Variants in CHRD observed in about 807,000 individuals in gnomAD.
CHRD encodes chordin.
CHRD carries 69 observed loss-of-function variants against 113.7 expected under a neutral mutation model. The observed-to-expected ratio is 0.61, with a 90% CI of 0.50 to 0.74. CHRD has a LOEUF of 0.74. Ranked by LOEUF, CHRD falls within the 30% of genes least tolerant of loss-of-function variation. The pLI, the probability that CHRD is intolerant of heterozygous loss-of-function variation, is 0.00. For missense variants in CHRD, 1,194 were observed against 1,295.8 expected (o/e 0.92, Z 1.21); for synonymous variants, 561 against 540.8 (o/e 1.04, Z -0.52).
chr3:184,381,619 A>G lies in CHRD; in HGVS notation c.506A>G (p.His169Arg). Residue 169 changes from histidine (H) to arginine (R), a missense_variant, in exon 4 of 23, where the codon CAC becomes CGC. Physicochemically the swap from His to Arg is conservative, Grantham distance 29. Transcript: ENST00000204604. This position sits in a 1 kb window ranked among gnomAD's most constrained non-coding sequence, Gnocchi z 4.7. ...GAGGAGCGGGCCCGTGGTGACGGCC[A>G]CACGGGTAGGGGGCTGGCGAACAGC... 1 of 1,606,386 alleles carries G rather than the reference A, an allele frequency of 6.2e-7. No individual in the cohort carries two copies.
chr3:184,383,738 C>T (rs2108648759), intron 12 of CHRD, 96 bp downstream of exon 12: 1 of 1,102,042 alleles, frequency 9.1e-7, no homozygotes, highest in Non-Finnish European at 1.3e-6. Flanking sequence ...CATCCACTCA[C>T]TCATGGGTTC....
Position 184,380,537 on chromosome 3 carries a change from G to T in CHRD, c.148+71G>T. ...GGCGAGTCAGCGCCAGCCCGGAGGG[G>T]GCGCGGGGCGCAGGTGGCTCGGCGC... On this transcript the variant is annotated intron_variant, in intron 1 of 22. Coordinates refer to ENST00000204604, the Ensembl canonical transcript of CHRD. The surrounding 1 kb of genome is among the most constrained non-coding windows in gnomAD (Gnocchi z 6.3). 9.4e-7 allele frequency: 1 copy of T among 1,067,908 alleles called. No homozygotes were observed. The highest frequency in any genetic ancestry group is 4.5e-5 in the South Asian group (1 of 22,292). The allele number at this position is 1,067,908 out of a possible 1,614,324, so 66.2% of individuals were successfully genotyped here.
At position 184,388,142 on chromosome 3, in the gene CHRD, C is replaced by G; in HGVS notation, c.2554+109C>G. The G allele has an allele frequency of 1.1e-6, 1 of 924,198 alleles. No homozygotes were observed. Among genetic ancestry groups the G allele is most frequent in the Non-Finnish European group, 1.7e-6 (1 of 581,816 alleles). The allele number at this position is 924,198 out of a possible 1,614,324, so 57.2% of individuals were successfully genotyped here. On this transcript the variant is annotated intron_variant, in intron 20 of 22. Transcript: ENST00000204604. The surrounding 1 kb of genome is among the most constrained non-coding windows in gnomAD (Gnocchi z 6.1). The stretch of plus-strand genomic sequence containing the variant: ...ATTGAGCATTATACTGAGCACTGCT[C>G]TGTGCCTAGCCTGGAGCCAGGACTC...
In CHRD at chr3:184,381,708, C is replaced by T. The variant is rs371114727; in HGVS notation, c.512-8C>T. 1.9e-6 allele frequency: 3 copies of T among 1,612,366 alleles called. No individual in the cohort carries two copies. The African/African-American group carries it at 4.0e-5, about 22-fold the overall frequency. ...GACAGTGCTCAGGCCATCTTCCTCCCGTCCCAGACTTCGTGGCGCTGCTGA... is the reference window on the plus strand; with the variant it reads ...GACAGTGCTCAGGCCATCTTCCTCCTGTCCCAGACTTCGTGGCGCTGCTGA... On this transcript the variant is annotated splice_polypyrimidine_tract_variant and splice_region_variant and intron_variant, in intron 4 of 22. Coordinates refer to ENST00000204604, the Ensembl canonical transcript of CHRD. The surrounding 1 kb of genome is among the most constrained non-coding windows in gnomAD (Gnocchi z 4.7).
rs1349017676 is a variant in CHRD, at chr3:184,387,934, G to A, written c.2455G>A (p.Gly819Ser). 2 of 1,611,146 alleles carry A rather than the reference G, an allele frequency of 1.2e-6. No individual in the cohort carries two copies. Among genetic ancestry groups the A allele is most frequent in the Non-Finnish European group, 1.7e-6 (2 of 1,179,098 alleles). Residue 819 changes from glycine to serine, a missense_variant, in exon 20 of 23, where the codon GGC becomes AGC. By Grantham distance (56) the Gly-to-Ser change is moderately conservative. Coordinates refer to ENST00000204604, the Ensembl canonical transcript of CHRD. This position sits in a 1 kb window ranked among gnomAD's most constrained non-coding sequence, Gnocchi z 6.1. ...CTTGCTCAATGGATCCCTACAGGGG[G>A]GCACTGGAGAGGTGCACTGTGAGAA... is the stretch of plus-strand genomic sequence containing the variant.
chr3:184,384,550 G>A lies in CHRD; in HGVS notation c.1454G>A (p.Cys485Tyr), dbSNP rs1299526982. ...CCCTGCCCCCAGGCCGTGGGTATCT[G>A]CCCTGGGCTGGGTGCCCGAGGGGCT... Residue 485 changes from cysteine (C) to tyrosine (Y), a missense_variant, in exon 13 of 23, where the codon TGC becomes TAC. Coordinates refer to ENST00000204604, the Ensembl canonical transcript of CHRD. The surrounding 1 kb of genome is among the most constrained non-coding windows in gnomAD (Gnocchi z 4.4). The A allele has an allele frequency of 6.4e-7, 1 of 1,571,816 alleles. No individual in the cohort carries two copies.
Position 184,383,651 on chromosome 3 carries a change from T to C in CHRD, c.1440+9T>C, listed in dbSNP as rs200816548. On this transcript the variant is annotated intron_variant, in intron 12 of 22. Transcript: ENST00000204604. ...AGCCAGGAGGACACACGGTGAGGGC[T>C]CCAGGTGGAGCTGGACCCCAGGGCC... 1 of 1,601,982 alleles carries C rather than the reference T, an allele frequency of 6.2e-7. No homozygotes were observed. Among genetic ancestry groups the C allele is most frequent in the Non-Finnish European group, 8.5e-7 (1 of 1,173,396 alleles).
rs201415609 is a variant in CHRD, at chr3:184,383,366, C to G, written c.1268C>G (p.Ala423Gly). ...GCCCTGATCCCAGTCCAGACGGGTG[C>G]TGCCGGCTCAGCCAGCCTCACGCTG... The change falls in exon 11 of 23, where the codon GCT becomes GGT. Residue 423 changes from alanine to glycine, a missense_variant. Ala to Gly is a moderately conservative substitution (Grantham distance 60). Transcript: ENST00000204604. 3.7e-6 allele frequency: 6 copies of G among 1,613,912 alleles called. No individual in the cohort carries two copies. The East Asian group carries it at 1.3e-4, about 36-fold the overall frequency.
chr3:184,385,358 A>C (rs1716117114), intron 14 of CHRD, 120 bp downstream of exon 14: 3 of 708,266 alleles, frequency 4.2e-6, no homozygotes. Context: ...AGCTGGCATA[A>C]ATAAAATAAA....
Position 184,387,116 on chromosome 3 carries a change from G to T in CHRD, c.2347+9G>T, listed in dbSNP as rs1716446136. 2 of 1,613,424 alleles carry T rather than the reference G, an allele frequency of 1.2e-6. No homozygotes were observed. The highest frequency in any genetic ancestry group is 1.7e-6 in the Non-Finnish European group (2 of 1,179,450). On this transcript the variant is annotated intron_variant, in intron 18 of 22. Transcript: ENST00000204604. The surrounding 1 kb of genome is among the most constrained non-coding windows in gnomAD (Gnocchi z 6.1). ...CCGGGACCCAGGAGAGGGTGAGCTG[G>T]AAGGGTGCGTGCAGGGTGGGAGGCC... is the stretch of plus-strand genomic sequence containing the variant.
chr3:184,387,359 C>T lies in CHRD; in HGVS notation c.2348-15C>T. The T allele has an allele frequency of 6.2e-7, 1 of 1,601,980 alleles. No homozygotes were observed. The highest frequency in any genetic ancestry group is 8.5e-7 in the Non-Finnish European group (1 of 1,174,610). On this transcript the variant is annotated splice_polypyrimidine_tract_variant and intron_variant, in intron 18 of 22. Coordinates refer to ENST00000204604, the Ensembl canonical transcript of CHRD. The surrounding 1 kb of genome is among the most constrained non-coding windows in gnomAD (Gnocchi z 6.1). ...GAGCTCATACTAATGGCTGCTGGGC[C>T]CTGTTCCCCACCAGGCTGCTATTTT...
In CHRD at chr3:184,380,339, G is replaced by T; in HGVS notation, c.21G>T (p.Pro7=). The T allele has an allele frequency of 7.7e-7, 1 of 1,292,402 alleles. No homozygotes were observed. The highest frequency in any genetic ancestry group is 1.5e-5 in the South Asian group (1 of 66,610). 80.1% of individuals were successfully genotyped at this position (1,292,402 alleles called of 1,614,324 possible). A position where few individuals can be genotyped will look rare whatever the true frequency, so the allele number is the denominator to read the frequency against. Reference sequence around the variant, plus strand: ...GCGTCATGCCGAGCCTCCCGGCCCCGCCGGCCCCGCTGCTGCTCCTCGGGC... The same window carrying T: ...GCGTCATGCCGAGCCTCCCGGCCCCTCCGGCCCCGCTGCTGCTCCTCGGGC... The change falls in exon 1 of 23, where the codon CCG becomes CCT. Residue 7 remains proline (P), a synonymous_variant. Coordinates refer to ENST00000204604, the Ensembl canonical transcript of CHRD. The surrounding 1 kb of genome is among the most constrained non-coding windows in gnomAD (Gnocchi z 6.3).
exon 16 of CHRD, chr3:184,386,538 C>CGGCCGG (rs1553867324): frequency 1.3e-6 from 2 of 1,532,430 alleles, no homozygotes; most frequent in Non-Finnish European, 1.7e-6. Context: ...CGCCTGGAGG[C>CGGCCGG]GGCCGGGGCC....
chr3:184,388,699 G>GCC lies in CHRD; in HGVS notation c.2671_2672dup (p.Phe892LeufsTer5). Reference sequence around the variant, plus strand: ...AGAGTCAGAGCTGGCACCCCTCAGTGCCCCCTTTTGGAGAGATGAGCTGTA... The same window carrying GCC: ...AGAGTCAGAGCTGGCACCCCTCAGTGCCCCCCCTTTTGGAGAGATGAGCTGTA... On this transcript the variant is annotated frameshift_variant, in exon 21 of 23. Transcript: ENST00000204604. LOFTEE classifies it high-confidence loss of function. The surrounding 1 kb of genome is among the most constrained non-coding windows in gnomAD (Gnocchi z 6.1). 1 of 1,614,016 alleles carries GCC rather than the reference G, an allele frequency of 6.2e-7. No individual in the cohort carries two copies. Among genetic ancestry groups the GCC allele is most frequent in the Non-Finnish European group, 8.5e-7 (1 of 1,180,016 alleles).
chr3:184,381,411 T>G lies in CHRD; in HGVS notation c.382+47T>G. The G allele has an allele frequency of 6.3e-7, 1 of 1,599,340 alleles. No homozygotes were observed. On this transcript the variant is annotated intron_variant, in intron 3 of 22. Transcript: ENST00000204604. This position sits in a 1 kb window ranked among gnomAD's most constrained non-coding sequence, Gnocchi z 4.7. Reference sequence around the variant, plus strand: ...GGGGAGGGAGGCAGGGCCACGATACTAGGTCCCGGGCCACTTGGATGGGGC... The same window carrying G: ...GGGGAGGGAGGCAGGGCCACGATACGAGGTCCCGGGCCACTTGGATGGGGC...
intron 10 of CHRD, 30 bp from the exon 11 acceptor site, chr3:184,383,282 C>G (rs772004867): frequency 6.9e-6 from 11 of 1,604,200 alleles, no homozygotes; most frequent in African/African-American, 5.4e-5. Flanking sequence ...ATGGGGTAAA[C>G]CTAGCCTCAC....
chr3:184,389,042 C>T (rs1472065875), intron 22 of CHRD, 47 bp downstream of exon 22: 1 of 1,334,070 alleles, frequency 7.5e-7, no homozygotes, highest in Non-Finnish European at 1.1e-6. Context: ...GAGGGCTCAC[C>T]TGCCTGTGGG....
exon 6 of CHRD, chr3:184,382,002 C>T (rs1336987455): frequency 1.2e-6 from 2 of 1,614,046 alleles, no homozygotes; most frequent in Admixed American, 1.7e-5. Context: ...ACCCTGCAGC[C>T]CCCACCCAAG....
chr3:184,382,886 T>G (rs1397998409), exon 9 of CHRD: 1 of 1,613,382 alleles, frequency 6.2e-7, no homozygotes, highest in Non-Finnish European at 8.5e-7. Flanking sequence ...AGGCTCCAGA[T>G]TCTACACCAG....
Sources: gnomAD v4.1 joint callset for allele counts on GRCh38, gnomAD v4.1.1 for gene constraint, Gnocchi (gnomAD v3.1) non-coding constraint, MANE v1.5 for transcripts, NCBI Gene and HGNC (gene_info 2026-07-23, HGNC 2026-07-21) for gene names.